MAP4: variants seen among roughly 807,000 people sequenced by gnomAD.
MAP4 encodes the protein microtubule associated protein 4.
MAP4 carries 76 observed loss-of-function variants against 170.2 expected under a neutral mutation model. The ratio of observed to expected loss-of-function variants is 0.45; its 90% CI spans 0.37 to 0.54. MAP4 has a LOEUF of 0.54. MAP4 is among the 20% of genes least tolerant of loss of function. The pLI is 0.00. For synonymous variants in MAP4, 909 were observed against 994.5 expected, an observed-to-expected ratio of 0.91 and a Z score of 1.62; for missense variants, 2,506 against 2,748.0, an observed-to-expected ratio of 0.91 and a Z score of 1.97.
At chr3:47,870,329 G>A (rs2089350119) in intron 15 of MAP4, among the ~76,000 whole-genome samples, 1 of 152,118 alleles carries the variant, frequency 6.6e-6, no homozygotes, top group Non-Finnish European at 1.5e-5. Flanking sequence ...CTCACAGCAC[G>A]ACTCATCCTG....
Position 47,855,275 on chromosome 3 carries a change from G to A in MAP4, c.6669C>T (p.Gly2223=). 1 of 1,613,952 alleles carries A rather than the reference G, an allele frequency of 6.2e-7. No individual in the cohort carries two copies. The highest frequency in any genetic ancestry group is 8.5e-7 in the Non-Finnish European group (1 of 1,179,874). Residue 2223 remains glycine, a synonymous_variant, in exon 19 of 21, where the codon GGC becomes GGT. Transcript: ENST00000683076. The surrounding 1 kb of genome is among the most constrained non-coding windows in gnomAD (Gnocchi z 5.1). ...TCACAGCACCTCCTGCAGGTAGGTG[G>A]CCCACATTATCGAGGGATCCCACCT... The part of the protein sequence containing the change: ...QAKVGSLDNV[G]HLPAGGAVKT...
chr3:48,027,754 T>C (rs935419590), intron 1 of MAP4, among the ~76,000 whole-genome samples: 1 of 151,980 alleles, frequency 6.6e-6, no homozygotes, highest in Non-Finnish European at 1.5e-5. Context: ...GGGAGGATCG[T>C]TTGAGCCCGG....
rs772661432 is a variant in MAP4 at position 47,917,310 on chromosome 3, G to A, written c.653-136C>T. On this transcript the variant is annotated intron_variant, in intron 6 of 20. Coordinates refer to ENST00000683076, the MANE Select transcript of MAP4 (RefSeq NM_001385682.1). ...CATAACTAAGAATTAATGTTAGGCC[G>A]GGCACAGTGGCTCACGCCTGTAATC... 1.7e-4 allele frequency: 119 copies of A among 715,414 alleles called. 1 individual carries two copies. In the African/African-American group the frequency reaches 1.7e-3, roughly 10 times the overall value. The allele number at this position is 715,414 out of a possible 1,614,324, so 44.3% of individuals were successfully genotyped here.
intron 1 of MAP4, among the ~76,000 whole-genome samples, chr3:48,082,370 C>T (rs2100147045): frequency 6.6e-6 from 1 of 152,184 alleles, no homozygotes; most frequent in South Asian, 2.1e-4. Flanking sequence ...TTTGATACTC[C>T]TCCCTTCAGG....
intron 1 of MAP4, among the ~76,000 whole-genome samples, chr3:48,000,194 G>A (rs1413961372): frequency 3.3e-5 from 4 of 119,850 alleles, no homozygotes; most frequent in South Asian, 2.7e-4. Context: ...CAGCATGGGC[G>A]ACAGAGGAAG....
chr3:47,968,085 T>C (rs1375350412), intron 3 of MAP4, among the ~76,000 whole-genome samples: 3 of 152,236 alleles, frequency 2.0e-5, no homozygotes, highest in Non-Finnish European at 4.4e-5. Context: ...TCACAAGGAA[T>C]TTATCCTTGA....
intron 10 of MAP4, among the ~76,000 whole-genome samples, chr3:47,902,673 C>CAAAAAAAAAAAA: frequency 3.9e-5 from 1 of 25,776 alleles, no homozygotes; most frequent in Non-Finnish European, 6.5e-5. Flanking sequence ...GACTCTGTCT[C>CAAAAAAAAAAAA]AAAAAAAAAA....
chr3:47,917,242 C>T, intron 6 of MAP4, 68 bp from the exon 7 acceptor site: 1 of 1,317,758 alleles, frequency 7.6e-7, no homozygotes, highest in East Asian at 2.3e-5. Context: ...TTACTTTCTT[C>T]AGGCATGAGA....
chr3:47,941,851 C>G (rs1022796440), intron 3 of MAP4, among the ~76,000 whole-genome samples: 15 of 150,788 alleles, frequency 9.9e-5, no homozygotes, highest in African/African-American at 3.7e-4. Flanking sequence ...ATTTTTGAAA[C>G]TATACTTCTC....
At chr3:48,040,406 C>T (rs1273839990) in intron 1 of MAP4, among the ~76,000 whole-genome samples, 4 of 151,818 alleles carry the variant, frequency 2.6e-5, no homozygotes, top group Non-Finnish European at 5.9e-5. Context: ...GTAGCTGAGA[C>T]TACAGGCGCC....
rs1025479081 is a variant in MAP4, at chr3:47,932,954, G to A, written c.293-4604C>T. On this transcript the variant is annotated intron_variant, in intron 3 of 20. Coordinates refer to ENST00000683076, the MANE Select transcript of MAP4 (RefSeq NM_001385682.1). ...GTCCTGCTCTGTTGCTCAGGCTGGA[G>A]TGCAGTGGCACGATCACAGCTCACT... 1.2e-4 allele frequency among the ~76,000 whole-genome samples: 19 copies of A among 152,232 alleles called. 1 individual carries two copies. The South Asian group carries it at 3.9e-3, about 32-fold the overall frequency.
At chr3:48,029,250 C>T (rs9843512) in intron 1 of MAP4, among the ~76,000 whole-genome samples, 13,012 of 151,940 alleles carry the variant, frequency 0.086, 1,845 homozygotes, top group African/African-American at 0.29. Flanking sequence ...CCAGCCTGGC[C>T]GACATGGTAA....
rs1174735685 is a variant in MAP4 at position 48,087,705 on chromosome 3, GCA to G, written c.-20+1066_-20+1067del. On this transcript the variant is annotated intron_variant, in intron 1 of 18. Coordinates refer to the MAP4 transcript ENST00000360240. ...AAATGGGCGGGAGACGCGCGCGCGCGCACACACACATACACACGCACGCGCAC... is the reference window on the plus strand; with the variant it reads ...AAATGGGCGGGAGACGCGCGCGCGCGCACACACATACACACGCACGCGCAC... 4.6e-5 allele frequency among the ~76,000 whole-genome samples: 7 copies of G among 150,608 alleles called. No homozygotes were observed. In the South Asian group the frequency reaches 8.4e-4, roughly 18 times the overall value.
intron 2 of MAP4, among the ~76,000 whole-genome samples, chr3:47,989,348 C>T (rs923439316): frequency 6.6e-6 from 1 of 152,182 alleles, no homozygotes; most frequent in African/African-American, 2.4e-5. Flanking sequence ...TCAAATGCAA[C>T]CTTCTCATTT....
intron 3 of MAP4, among the ~76,000 whole-genome samples, chr3:47,941,943 T>C (rs2100056767): frequency 6.6e-6 from 1 of 152,228 alleles, no homozygotes; most frequent in African/African-American, 2.4e-5. Context: ...GATAAATAGA[T>C]ATAACCCTCA....
intron 3 of MAP4, among the ~76,000 whole-genome samples, chr3:47,951,573 A>G (rs1230065632): frequency 3.3e-5 from 5 of 152,174 alleles, no homozygotes; most frequent in Non-Finnish European, 7.3e-5. Context: ...GCTGGTCTCC[A>G]GCTCCTAACC....
At position 47,918,794 on chromosome 3, in the gene MAP4, C is replaced by T. The variant is rs753359370; in HGVS notation, c.577G>A (p.Glu193Lys). The T allele has an allele frequency of 1.4e-5, 22 of 1,612,876 alleles. No homozygotes were observed. In the East Asian group the frequency reaches 3.8e-4, roughly 28 times the overall value. The part of the protein sequence containing the change: ...TAVVPQGWSV[E>K]ALNSPHSESF... The stretch of plus-strand genomic sequence containing the variant: ...TCTGAGTGTGGAGAGTTTAAGGCTT[C>T]CACAGACCACCCCTGAGGTACAACA... The change falls in exon 6 of 21, where the codon GAA (glutamate) becomes AAA (lysine). Residue 193 changes from glutamate (E) to lysine (K), a missense_variant. Physicochemically the swap from Glu to Lys is moderately conservative, Grantham distance 56 (BLOSUM62 1). Coordinates refer to ENST00000683076, the MANE Select transcript of MAP4 (RefSeq NM_001385682.1).
chr3:47,882,999 T>C (rs763708809), intron 10 of MAP4, among the ~76,000 whole-genome samples: 3 of 152,010 alleles, frequency 2.0e-5, no homozygotes, highest in Admixed American at 6.6e-5. Flanking sequence ...TTAGTAGAGA[T>C]GGGGTTTCGT....
In MAP4 at chr3:47,975,456, C is replaced by T. The variant is rs79021891; in HGVS notation, c.292+2409G>A. The T allele has an allele frequency of 5.2e-3, 8,085 of 1,568,908 alleles. 38 individuals carry two copies. The highest frequency in any genetic ancestry group is 0.014 in the Middle Eastern group (83 of 6,022). On this transcript the variant is annotated intron_variant, in intron 3 of 20. Transcript: ENST00000683076. The stretch of plus-strand genomic sequence containing the variant: ...GCAGCAGCCCCAGTGTTGAGAGACA[C>T]GCTAGGCTTCTAGGAGGAGAAAAAT...
Sources: allele counts gnomAD v4.1 joint callset (sites outside exome capture counted in the v4.1 genomes callset), GRCh38; gene constraint gnomAD v4.1.1; non-coding constraint Gnocchi (gnomAD v3.1); transcripts MANE v1.5; gene names NCBI Gene and HGNC (gene_info 2026-07-23, HGNC 2026-07-21).